The following LEF1 variants were observed in gnomAD, a reference collection of about 807,000 sequenced individuals.
LEF1 encodes lymphoid enhancer-binding factor 1.
In LEF1, 14 loss-of-function variants were observed where a neutral mutation model predicts 51.2. The observed-to-expected ratio is 0.27, with a 90% CI of 0.18 to 0.43. The LOEUF (loss-of-function observed/expected upper bound fraction) is 0.43. Ranked by LOEUF, LEF1 falls within the 20% of genes least tolerant of loss-of-function variation. LEF1 has a pLI of 1.00. For synonymous variants in LEF1, 185 were observed against 183.2 expected (o/e 1.01, Z -0.08); for missense variants, 386 against 512.0 (o/e 0.75, Z 2.37).
chr4:108,144,580 C>A (rs1002996978), intron 3 of LEF1, among the ~76,000 whole-genome samples: 2 of 152,318 alleles, frequency 1.3e-5, no homozygotes, highest in Middle Eastern at 3.4e-3. Flanking sequence ...CTTGCACACA[C>A]AGTACATCTT....
rs115479955 is a variant in LEF1 at position 108,167,438 on chromosome 4, G to A, written c.213+117C>T. The A allele has an allele frequency of 1.1e-3, 1,067 of 928,394 alleles. 4 individuals carry two copies. The African/African-American group carries it at 0.015, about 13-fold the overall frequency. The allele number at this position is 928,394 out of a possible 1,614,324, so 57.5% of individuals were successfully genotyped here. Reference sequence around the variant, plus strand: ...GCTACGCACACACCCCAAAACAAACGAGGGATCTACTCGGGACCCTCAGCC... The same window carrying A: ...GCTACGCACACACCCCAAAACAAACAAGGGATCTACTCGGGACCCTCAGCC... On this transcript the variant is annotated intron_variant, in intron 1 of 11. Transcript: ENST00000265165. The surrounding 1 kb of genome is among the most constrained non-coding windows in gnomAD (Gnocchi z 5.7).
chr4:108,154,195 ATAT>A (rs1560827655), intron 3 of LEF1, among the ~76,000 whole-genome samples: 1 of 152,116 alleles, frequency 6.6e-6, no homozygotes, highest in Non-Finnish European at 1.5e-5. Context: ...ATTTTAATCA[ATAT>A]TATGATGAAT....
At chr4:108,101,925 T>C (rs192618412) in intron 3 of LEF1, among the ~76,000 whole-genome samples, 4 of 152,096 alleles carry the variant, frequency 2.6e-5, no homozygotes, top group Admixed American at 6.5e-5. Flanking sequence ...CCAGACATGG[T>C]GGCATGCGCC....
At chr4:108,149,454 G>A (rs1351297627) in intron 3 of LEF1, among the ~76,000 whole-genome samples, 5 of 26,158 alleles carry the variant, frequency 1.9e-4, no homozygotes, top group African/African-American at 4.5e-4. Flanking sequence ...GCGAGACTCC[G>A]TCTCAAAAAA....
intron 3 of LEF1, among the ~76,000 whole-genome samples, chr4:108,130,440 C>T (rs1020754494): frequency 6.6e-6 from 1 of 152,042 alleles, no homozygotes; most frequent in Non-Finnish European, 1.5e-5. Flanking sequence ...ACCTTCCAGG[C>T]CAGGCGTGGT....
chr4:108,149,458 C>CAAAAAAAAAAAAAAAAAA (rs371482539), intron 3 of LEF1, among the ~76,000 whole-genome samples: 12 of 60,582 alleles, frequency 2.0e-4, no homozygotes, highest in African/African-American at 5.1e-4. Context: ...GACTCCGTCT[C>CAAAAAAAAAAAAAAAAAA]AAAAAAAAAA....
At chr4:108,143,928 T>C (rs1743834999) in intron 3 of LEF1, among the ~76,000 whole-genome samples, 1 of 152,134 alleles carries the variant, frequency 6.6e-6, no homozygotes, top group African/African-American at 2.4e-5. Flanking sequence ...CACAGGAGAC[T>C]CGTTATATAG....
intron 9 of LEF1, among the ~76,000 whole-genome samples, chr4:108,064,655 T>TCACACACACACA (rs59828005): frequency 7.8e-6 from 1 of 127,810 alleles, no homozygotes; most frequent in African/African-American, 2.7e-5. Flanking sequence ...TCTCTCTCAC[T>TCACACACACACA]CACACACACA....
chr4:108,075,559 T>C (rs528584324), intron 8 of LEF1: 2 of 152,314 alleles, frequency 1.3e-5, no homozygotes, highest in Non-Finnish European at 2.9e-5. Context: ...CAAATTAAGA[T>C]GAAACATTTC....
At chr4:108,078,470 C>A in intron 7 of LEF1, 88 bp from the exon 8 acceptor site, 1 of 1,528,322 alleles carries the variant, frequency 6.5e-7, no homozygotes, top group Non-Finnish European at 9.1e-7. Flanking sequence ...CACCTGCTCA[C>A]ATGGCTACAC....
intron 7 of LEF1, 38 bp downstream of exon 7, chr4:108,079,454 C>T (rs1317865625): frequency 6.2e-7 from 1 of 1,610,454 alleles, no homozygotes; most frequent in Non-Finnish European, 8.5e-7. Flanking sequence ...TCCTCAGTAT[C>T]CTAAGGCAAT....
intron 3 of LEF1, among the ~76,000 whole-genome samples, chr4:108,135,935 CAGTAT>C (rs1245496015): frequency 6.6e-6 from 1 of 152,254 alleles, no homozygotes; most frequent in Non-Finnish European, 1.5e-5. Context: ...ACTGTACAAA[CAGTAT>C]GACTTCTTCC....
intron 1 of LEF1, chr4:108,166,582 A>G (rs1004116751): frequency 1.7e-6 from 2 of 1,144,038 alleles, no homozygotes; most frequent in Admixed American, 4.6e-5. Context: ...GGCTTCAAAC[A>G]GCCCTCCAGC....
In LEF1 at chr4:108,070,704, G is replaced by T; in HGVS notation, c.1075C>A (p.His359Asn). 6.2e-7 allele frequency: 1 copy of T among 1,614,078 alleles called. No individual in the cohort carries two copies. The highest frequency in any genetic ancestry group is 8.5e-7 in the Non-Finnish European group (1 of 1,179,960). ...GACCAGCCTGGATAAAGCTGCATAT[G>T]TAGCTGTCTTTCTTTCCGTGCTAAT... ...YELARKERQL[H>N]MQLYPGWSAR... The change falls in exon 9 of 12, where the codon CAT becomes AAT. Residue 359 changes from histidine to asparagine, a missense_variant. Transcript: ENST00000265165.
intron 11 of LEF1, among the ~76,000 whole-genome samples, chr4:108,052,523 C>T (rs967034543): frequency 2.8e-4 from 43 of 152,166 alleles, no homozygotes; most frequent in African/African-American, 1.0e-3. Context: ...ATTTTTACAC[C>T]TTGGGAAAAA....
At chr4:108,069,453 G>C (rs1180976424) in intron 9 of LEF1, among the ~76,000 whole-genome samples, 4 of 152,164 alleles carry the variant, frequency 2.6e-5, no homozygotes, top group Non-Finnish European at 5.9e-5. Flanking sequence ...TATAAGTGAG[G>C]TATTTCCTGC....
At chr4:108,157,177 T>TACACACACACACACACACACACAC (rs1326345518) in intron 3 of LEF1, among the ~76,000 whole-genome samples, 3 of 89,330 alleles carry the variant, frequency 3.4e-5, no homozygotes, top group Non-Finnish European at 7.2e-5. Flanking sequence ...TCTATATATA[T>TACACACACACACACACACACACAC]ATACACACAC....
intron 11 of LEF1, among the ~76,000 whole-genome samples, chr4:108,052,332 C>T (rs1435430952): frequency 1.3e-5 from 2 of 152,206 alleles, no homozygotes; most frequent in East Asian, 1.9e-4. Context: ...CTTTCTTCGT[C>T]GTCCTCTTCC....
At chr4:108,133,633 T>C (rs1743048111) in intron 3 of LEF1, among the ~76,000 whole-genome samples, 1 of 152,216 alleles carries the variant, frequency 6.6e-6, no homozygotes, top group Non-Finnish European at 1.5e-5. Context: ...GTGATTCTCC[T>C]GCCTCTGAGA....
Sources: allele counts gnomAD v4.1 joint callset (sites outside exome capture counted in the v4.1 genomes callset), GRCh38; gene constraint gnomAD v4.1.1; non-coding constraint Gnocchi (gnomAD v3.1); transcripts MANE v1.5; gene names NCBI Gene and HGNC (gene_info 2026-07-23, HGNC 2026-07-21).